Variants in ELMO1 observed in about 807,000 individuals in gnomAD.
ELMO1 encodes engulfment and cell motility 1.
ELMO1 carries 26 observed loss-of-function variants against 98.9 expected under a neutral mutation model. The ratio of observed to expected loss-of-function variants is 0.26; its 90% CI spans 0.19 to 0.36. The LOEUF (loss-of-function observed/expected upper bound fraction) is 0.36. ELMO1 is among the 10% of genes least tolerant of loss of function. The probability of loss-of-function intolerance (pLI) is 1.00; values close to 1 mark genes in which losing one functional copy is unlikely to be tolerated. For synonymous variants in ELMO1, 346 were observed against 346.0 expected, an observed-to-expected ratio of 1.00 and a Z score of 0.00; for missense variants, 627 against 935.2, an observed-to-expected ratio of 0.67 and a Z score of 4.30.
At chr7:37,147,351 CG>C (rs1788049636) in intron 13 of ELMO1, among the ~76,000 whole-genome samples, 1 of 152,104 alleles carries the variant, frequency 6.6e-6, no homozygotes, top group African/African-American at 2.4e-5. Flanking sequence ...TTAACACTTC[CG>C]CTCATCTCTC....
At chr7:37,162,730 C>T (rs1318224781) in intron 13 of ELMO1, among the ~76,000 whole-genome samples, 3 of 152,082 alleles carry the variant, frequency 2.0e-5, no homozygotes, top group Non-Finnish European at 4.4e-5. Context: ...TAAGGCTGAT[C>T]CAAAGAGAGC....
chr7:37,223,081 T>C (rs1793686087), intron 9 of ELMO1, among the ~76,000 whole-genome samples: 1 of 152,248 alleles, frequency 6.6e-6, no homozygotes, highest in Admixed American at 6.5e-5. Flanking sequence ...ACATGAAATA[T>C]ATCAGGGAGT....
intron 8 of ELMO1, among the ~76,000 whole-genome samples, chr7:37,228,981 G>A (rs1462109222): frequency 2.6e-5 from 4 of 152,160 alleles, no homozygotes; most frequent in Non-Finnish European, 4.4e-5. Context: ...GACGGAGCGA[G>A]ACTCTGTCTC....
At chr7:37,023,044 T>G (rs1794364600) in intron 15 of ELMO1, among the ~76,000 whole-genome samples, 1 of 152,140 alleles carries the variant, frequency 6.6e-6, no homozygotes, top group African/African-American at 2.4e-5. Context: ...TATTTAAAGC[T>G]CAAAACAGGC....
chr7:36,989,155 T>C (rs893629032), intron 16 of ELMO1, among the ~76,000 whole-genome samples: 2 of 152,236 alleles, frequency 1.3e-5, no homozygotes, highest in East Asian at 3.8e-4. Context: ...AAGCACTTTG[T>C]CTAGATTAAC....
At chr7:37,143,310 A>G (rs1165157597) in intron 13 of ELMO1, among the ~76,000 whole-genome samples, 1 of 152,252 alleles carries the variant, frequency 6.6e-6, no homozygotes, top group African/African-American at 2.4e-5. Flanking sequence ...GTTGATCAAC[A>G]ACCCAACATT....
intron 16 of ELMO1, among the ~76,000 whole-genome samples, chr7:36,982,941 T>G (rs897338255): frequency 1.3e-5 from 2 of 152,210 alleles, no homozygotes; most frequent in African/African-American, 4.8e-5. Context: ...ACAGTTTCTA[T>G]TTCTGAGCTG....
intron 1 of ELMO1, among the ~76,000 whole-genome samples, chr7:37,447,644 CCCA>C (rs1356462031): frequency 6.6e-6 from 1 of 151,056 alleles, no homozygotes; most frequent in African/African-American, 2.4e-5. Context: ...CAACACCCCC[CCCA>C]CACACACACA....
intron 13 of ELMO1, among the ~76,000 whole-genome samples, chr7:37,140,923 C>G (rs1787594572): frequency 6.6e-6 from 1 of 152,168 alleles, no homozygotes; most frequent in African/African-American, 2.4e-5. Flanking sequence ...AACACTTTTA[C>G]ACTGTTGGTG....
intron 1 of ELMO1, among the ~76,000 whole-genome samples, chr7:37,382,728 T>A (rs1037938884): frequency 6.6e-6 from 1 of 152,068 alleles, no homozygotes; most frequent in Admixed American, 6.6e-5. Flanking sequence ...TTTTCCTTTG[T>A]CTTATCACTT....
At chr7:37,279,916 A>T (rs888224734) in intron 4 of ELMO1, among the ~76,000 whole-genome samples, 1 of 152,196 alleles carries the variant, frequency 6.6e-6, no homozygotes, top group Non-Finnish European at 1.5e-5. Context: ...AGGCAGCCAT[A>T]ATCCTGGAGG....
chr7:36,891,515 C>G (rs1341779939), intron 17 of ELMO1, among the ~76,000 whole-genome samples: 5 of 152,150 alleles, frequency 3.3e-5, no homozygotes, highest in African/African-American at 1.2e-4. Context: ...AAGGGAGAGG[C>G]ATATATTAAT....
chr7:37,276,391 G>C (rs529037919), intron 4 of ELMO1, among the ~76,000 whole-genome samples: 18 of 152,242 alleles, frequency 1.2e-4, no homozygotes, highest in African/African-American at 4.3e-4. Context: ...GGCAGATCAC[G>C]AGGTCAGGAG....
intron 10 of ELMO1, among the ~76,000 whole-genome samples, chr7:37,218,089 G>A (rs1265954126): frequency 6.6e-6 from 1 of 152,188 alleles, no homozygotes; most frequent in Non-Finnish European, 1.5e-5. Context: ...AGGCCCACTG[G>A]TGGTGGTTTT....
At chr7:36,992,083 C>T (rs1347594870) in intron 16 of ELMO1, among the ~76,000 whole-genome samples, 2 of 152,176 alleles carry the variant, frequency 1.3e-5, no homozygotes, top group African/African-American at 2.4e-5. Context: ...TTTCCCTGGG[C>T]TTTGCTATTT....
chr7:37,063,724 C>CTCAG (rs1796790995), intron 15 of ELMO1, among the ~76,000 whole-genome samples: 1 of 152,162 alleles, frequency 6.6e-6, no homozygotes, highest in Non-Finnish European at 1.5e-5. Context: ...CGCTATCTCC[C>CTCAG]TCCGCAGTCA....
intron 1 of ELMO1, among the ~76,000 whole-genome samples, chr7:37,362,179 G>A (rs764189878): frequency 8.8e-4 from 134 of 151,940 alleles, no homozygotes; most frequent in Non-Finnish European, 1.2e-3. Flanking sequence ...ATCACTAAAT[G>A]AAAATTGATT....
At chr7:37,196,005 G>C (rs1403140567) in intron 13 of ELMO1, among the ~76,000 whole-genome samples, 1 of 152,180 alleles carries the variant, frequency 6.6e-6, no homozygotes, top group African/African-American at 2.4e-5. Context: ...GCCGATTTCT[G>C]GGTTATCATG....
At chr7:37,066,178 C>T (rs1796951256) in intron 15 of ELMO1, among the ~76,000 whole-genome samples, 1 of 152,188 alleles carries the variant, frequency 6.6e-6, no homozygotes, top group African/African-American at 2.4e-5. Context: ...CAGTCTCGGG[C>T]ATGTCTCTAT....
Sources: allele counts gnomAD v4.1 joint callset (sites outside exome capture counted in the v4.1 genomes callset), GRCh38; gene constraint gnomAD v4.1.1; transcripts MANE v1.5; gene names NCBI Gene and HGNC (gene_info 2026-07-23, HGNC 2026-07-21).